Variants in EFHD1 observed in about 807,000 individuals in gnomAD.
The protein encoded by EFHD1 is EF-hand domain-containing protein D1.
Under a neutral mutation model 17.2 loss-of-function variants are expected in EFHD1, and 10 were observed. The ratio of observed to expected loss-of-function variants is 0.58; its 90% confidence interval spans 0.36 to 0.99. EFHD1 has a LOEUF of 0.99. EFHD1 is among the 50% of genes least tolerant of loss of function. The pLI, the probability that EFHD1 is intolerant of heterozygous loss-of-function variation, is 0.01. For synonymous variants in EFHD1, 153 were observed against 142.0 expected (o/e 1.08, Z -0.55); for missense variants, 310 against 327.5 (o/e 0.95, Z 0.41).
At chr2:232,628,246 A>C (rs1427641406) in intron 1 of EFHD1, among the ~76,000 whole-genome samples, 1 of 152,092 alleles carries the variant, frequency 6.6e-6, no homozygotes, top group Non-Finnish European at 1.5e-5. Flanking sequence ...TGTTTAGTAG[A>C]GACGGGGTTT....
chr2:232,655,616 A>C (rs909846583), intron 1 of EFHD1, among the ~76,000 whole-genome samples: 10 of 152,182 alleles, frequency 6.6e-5, no homozygotes, highest in Non-Finnish European at 1.2e-4. Flanking sequence ...TTTACTTCTC[A>C]GGTCTAGTTC....
chr2:232,624,284 C>A (rs1047160720), intron 1 of EFHD1, among the ~76,000 whole-genome samples: 2 of 152,208 alleles, frequency 1.3e-5, no homozygotes, highest in Admixed American at 1.3e-4. Context: ...CCTATCAAGT[C>A]CCTAAAGTCC....
chr2:232,658,435 G>A (rs1694801314), intron 1 of EFHD1, among the ~76,000 whole-genome samples: 1 of 152,154 alleles, frequency 6.6e-6, no homozygotes, highest in South Asian at 2.1e-4. Context: ...GTAACATCAG[G>A]TCAGCTGTGG....
intron 3 of EFHD1, among the ~76,000 whole-genome samples, chr2:232,680,574 A>G (rs1695260499): frequency 6.6e-6 from 1 of 152,112 alleles, no homozygotes; most frequent in Non-Finnish European, 1.5e-5. Context: ...TTATTTTGAG[A>G]TGGAGTCTCA....
chr2:232,607,080 C>A (rs1693728643), intron 1 of EFHD1, among the ~76,000 whole-genome samples: 1 of 151,676 alleles, frequency 6.6e-6, no homozygotes, highest in African/African-American at 2.4e-5. Context: ...CAACGTCCAC[C>A]TCCCGGGCTA....
chr2:232,681,705 A>G lies in EFHD1; in HGVS notation c.706A>G (p.Asn236Asp), dbSNP rs764056768. Residue 236 changes from asparagine to aspartate, a missense_variant, in exon 4 of 4, where the codon AAC becomes GAC. By Grantham distance (23) the Asn-to-Asp change is conservative (BLOSUM62 1). Coordinates refer to ENST00000264059, the MANE Select transcript of EFHD1 (RefSeq NM_025202.4). Reference sequence around the variant, plus strand: ...GGCAGCCTTCCAGAAACTCAAGGCCAACTTCAATACATAGTCCTGCTGACC... The same window carrying G: ...GGCAGCCTTCCAGAAACTCAAGGCCGACTTCAATACATAGTCCTGCTGACC... ...RQAAFQKLKA[N>D]FNT 2.8e-5 allele frequency: 45 copies of G among 1,614,042 alleles called. No individual in the cohort carries two copies. Among genetic ancestry groups the G allele is most frequent in the Non-Finnish European group, 3.6e-5 (42 of 1,180,006 alleles).
chr2:232,654,537 C>G (rs1162051837), intron 1 of EFHD1, among the ~76,000 whole-genome samples: 1 of 150,862 alleles, frequency 6.6e-6, no homozygotes, highest in Non-Finnish European at 1.5e-5. Flanking sequence ...TCTCCTGCCT[C>G]AGCCTCCTGA....
At chr2:232,613,675 T>A (rs796090547) in intron 1 of EFHD1, among the ~76,000 whole-genome samples, 11 of 22,838 alleles carry the variant, frequency 4.8e-4, no homozygotes, top group East Asian at 2.1e-3. Flanking sequence ...CACACACAAA[T>A]ATACACACAT....
In EFHD1 at chr2:232,656,793, G is replaced by A. The variant is rs563684132; in HGVS notation, c.303-6009G>A. On this transcript the variant is annotated intron_variant, in intron 1 of 3. Transcript: ENST00000264059. ...GATATACATAATGTGAAATTTAGCA[G>A]TTTTGTTTTGTTTGAGACAGGGTCG... 7.9e-5 allele frequency among the ~76,000 whole-genome samples: 12 copies of A among 152,044 alleles called. No individual in the cohort carries two copies. In the East Asian group the frequency reaches 2.3e-3, roughly 30 times the overall value.
At chr2:232,676,236 A>T (rs1353313790) in intron 3 of EFHD1, among the ~76,000 whole-genome samples, 1 of 152,072 alleles carries the variant, frequency 6.6e-6, no homozygotes, top group Admixed American at 6.6e-5. Context: ...TGAGGAGGAA[A>T]AGTTATGAAC....
intron 1 of EFHD1, among the ~76,000 whole-genome samples, chr2:232,644,802 T>TC (rs1694496744): frequency 6.6e-6 from 1 of 151,048 alleles, no homozygotes; most frequent in Admixed American, 6.6e-5. Context: ...TAATTTTTTT[T>TC]TTTTTTTTTT....
intron 1 of EFHD1, among the ~76,000 whole-genome samples, chr2:232,642,548 G>C (rs1459770182): frequency 6.6e-6 from 1 of 152,174 alleles, no homozygotes; most frequent in Middle Eastern, 3.4e-3. Flanking sequence ...TTTTCAAGGG[G>C]GTGTACAGCT....
chr2:232,651,691 AGG>A (rs1694657261), intron 1 of EFHD1, among the ~76,000 whole-genome samples: 2 of 152,210 alleles, frequency 1.3e-5, no homozygotes, highest in African/African-American at 2.4e-5. Flanking sequence ...GCGTGGTGGC[AGG>A]GTCCTGTAGT....
intron 2 of EFHD1, among the ~76,000 whole-genome samples, chr2:232,664,606 G>GTTTTTTTTTTT (rs57219644): frequency 1.6e-5 from 1 of 62,676 alleles, no homozygotes; most frequent in Non-Finnish European, 2.8e-5. Flanking sequence ...CCCCAAAATA[G>GTTTTTTTTTTT]TTTTTTTTTT....
intron 3 of EFHD1, among the ~76,000 whole-genome samples, chr2:232,677,240 A>ACACG (rs1695193030): frequency 7.2e-6 from 1 of 139,256 alleles, no homozygotes; most frequent in Non-Finnish European, 1.5e-5. Flanking sequence ...ACACACACAC[A>ACACG]CGTACACACA....
At chr2:232,659,164 A>G (rs1373911431) in intron 1 of EFHD1, among the ~76,000 whole-genome samples, 2 of 152,114 alleles carry the variant, frequency 1.3e-5, no homozygotes, top group South Asian at 2.1e-4. Context: ...GCTCACCAAC[A>G]GCCACCCAGC....
intron 2 of EFHD1, among the ~76,000 whole-genome samples, chr2:232,668,873 AT>A (rs574129401): frequency 1.6e-3 from 248 of 152,112 alleles, no homozygotes; most frequent in African/African-American, 5.8e-3. Flanking sequence ...ACCTCAGGTG[AT>A]CCGCTCGACT....
intron 1 of EFHD1, among the ~76,000 whole-genome samples, chr2:232,609,683 T>G (rs1458811700): frequency 6.6e-6 from 1 of 152,188 alleles, no homozygotes; most frequent in Non-Finnish European, 1.5e-5. Context: ...AAAGGCCTCC[T>G]GCTCCTTCAC....
At chr2:232,671,877 C>CA (rs1695074310) in intron 2 of EFHD1, among the ~76,000 whole-genome samples, 1 of 151,842 alleles carries the variant, frequency 6.6e-6, no homozygotes, top group African/African-American at 2.4e-5. Context: ...GCCAACATGG[C>CA]AAAACCCCAT....
Sources: gnomAD v4.1 joint callset for allele counts (sites outside exome capture counted in the v4.1 genomes callset) on GRCh38, gnomAD v4.1.1 for gene constraint, MANE v1.5 for transcripts, NCBI Gene and HGNC (gene_info 2026-07-23, HGNC 2026-07-21) for gene names.